Variants in LHX8 observed in about 807,000 individuals in gnomAD.
The protein encoded by LHX8 is LIM homeobox 8.
A neutral mutation model predicts 40.3 loss-of-function variants in LHX8; 12 were observed. That is an observed-to-expected ratio of 0.30 (90% CI 0.19 to 0.48). The LOEUF is 0.48. Among genes scored for constraint, LHX8 ranks in the 20% least tolerant of loss-of-function variants. LHX8 has a pLI of 0.99. For synonymous variants in LHX8, 179 were observed against 162.0 expected (o/e 1.10, Z -0.80); for missense variants, 344 against 433.7 (o/e 0.79, Z 1.84).
chr1:75,156,678 A>G (rs374615154), intron 7 of LHX8, among the ~76,000 whole-genome samples: 1 of 152,226 alleles, frequency 6.6e-6, no homozygotes, highest in Non-Finnish European at 1.5e-5. Context: ...GTAAATCACC[A>G]GAGAGCTATC....
intron 6 of LHX8, among the ~76,000 whole-genome samples, chr1:75,147,934 C>T (rs1171937226): frequency 1.3e-5 from 2 of 152,234 alleles, no homozygotes; most frequent in Non-Finnish European, 2.9e-5. Context: ...TCATGTTTCA[C>T]TATCTCTTAG....
At chr1:75,174,069 A>G in the LHX8 span, among the ~76,000 whole-genome samples, 1 of 152,268 alleles carries the variant, frequency 6.6e-6, no homozygotes, top group African/African-American at 2.4e-5. Context: ...TGTCCCAAGC[A>G]TTTTGGATAA....
chr1:75,185,029 A>G, the LHX8 span, among the ~76,000 whole-genome samples: 15 of 152,070 alleles, frequency 9.9e-5, no homozygotes, highest in Admixed American at 9.8e-4. Flanking sequence ...TCTTGGACAC[A>G]TACACCCTCC....
the LHX8 span, among the ~76,000 whole-genome samples, chr1:75,180,249 T>C: frequency 6.6e-6 from 1 of 152,224 alleles, no homozygotes; most frequent in African/African-American, 2.4e-5. Flanking sequence ...CTTGCTAGAC[T>C]GGGGAAGTTC....
At chr1:75,190,387 A>G in the LHX8 span, among the ~76,000 whole-genome samples, 2 of 152,198 alleles carry the variant, frequency 1.3e-5, no homozygotes, top group African/African-American at 2.4e-5. Context: ...AAAGCAACAG[A>G]TAGATCATTC....
At chr1:75,160,640 TG>T in intron 8 of LHX8, 178 bp from the exon 9 acceptor site, 1 of 618,418 alleles carries the variant, frequency 1.6e-6, no homozygotes, top group Non-Finnish European at 2.9e-6. Context: ...AAACTGTTCC[TG>T]GACTCTCACT....
At chr1:75,177,888 C>A in the LHX8 span, among the ~76,000 whole-genome samples, 1 of 152,022 alleles carries the variant, frequency 6.6e-6, no homozygotes, top group South Asian at 2.1e-4. Context: ...GGATGAATGG[C>A]TGTTGAATTT....
chr1:75,166,548 A>C, the LHX8 span, among the ~76,000 whole-genome samples: 1 of 152,166 alleles, frequency 6.6e-6, no homozygotes, highest in Non-Finnish European at 1.5e-5. Flanking sequence ...TTATTAGCTC[A>C]TTTCTTTCAG....
intron 1 of LHX8, among the ~76,000 whole-genome samples, chr1:75,136,000 C>T (rs147306466): frequency 3.2e-4 from 48 of 152,300 alleles, no homozygotes; most frequent in African/African-American, 1.1e-3. Context: ...AAATTGTCAT[C>T]GGAACAAACA....
chr1:75,161,126 T>C lies in LHX8; in HGVS notation c.*231T>C. 3.9e-6 allele frequency: 2 copies of C among 515,818 alleles called. No homozygotes were observed. Among genetic ancestry groups the C allele is most frequent in the South Asian group, 4.4e-5 (2 of 45,850 alleles). The allele number at this position is 515,818 out of a possible 1,614,324, so 32.0% of individuals were successfully genotyped here. On this transcript the variant is annotated 3_prime_UTR_variant, in exon 9 of 9. Transcript: ENST00000356261. ...GAAGAAAACAAATCAAAACATTTTT[T>C]GTATTGTCTGGAAATAGTTCACTCT... is the stretch of plus-strand genomic sequence containing the variant.
intron 3 of LHX8, among the ~76,000 whole-genome samples, chr1:75,138,570 G>A (rs139468137): frequency 6.6e-6 from 1 of 152,094 alleles, no homozygotes. Flanking sequence ...CTAAAACTGA[G>A]CATTTTGGAT....
Position 75,140,826 on chromosome 1 carries a change from A to G in LHX8, c.238-159A>G, listed in dbSNP as rs559102607. 7.2e-5 allele frequency among the ~76,000 whole-genome samples: 11 copies of G among 152,330 alleles called. No individual in the cohort carries two copies. The South Asian group carries it at 2.3e-3, about 32-fold the overall frequency. On this transcript the variant is annotated intron_variant, in intron 3 of 8. Transcript: ENST00000356261. ...ATAATATATCCAGATACATGTTTAC[A>G]AAAATGACATCTTAAAAAAAAATGA... is the stretch of plus-strand genomic sequence containing the variant.
chr1:75,165,234 T>C (rs1295735549), downstream of LHX8, among the ~76,000 whole-genome samples: 1 of 152,234 alleles, frequency 6.6e-6, no homozygotes, highest in African/African-American at 2.4e-5. Context: ...CTGTATATCA[T>C]CATGCTCTCA....
At chr1:75,184,879 A>G in the LHX8 span, among the ~76,000 whole-genome samples, 1 of 151,370 alleles carries the variant, frequency 6.6e-6, no homozygotes, top group South Asian at 2.1e-4. Context: ...ATAAGAAGAG[A>G]GAGAAGATGC....
chr1:75,136,733 G>A (rs769119003), intron 2 of LHX8, 44 bp downstream of exon 2: 4 of 1,489,904 alleles, frequency 2.7e-6, no homozygotes, highest in African/African-American at 2.8e-5. Context: ...TGGCCGTGGG[G>A]AGGCGGCGCA....
chr1:75,159,902 A>G (rs1482548574), intron 8 of LHX8: 1 of 151,922 alleles, frequency 6.6e-6, no homozygotes, highest in Non-Finnish European at 1.5e-5. Context: ...TTGTTTTACT[A>G]CTCCTTGGAG....
the LHX8 span, among the ~76,000 whole-genome samples, chr1:75,196,428 C>T: frequency 2.6e-5 from 4 of 152,248 alleles, no homozygotes; most frequent in East Asian, 1.9e-4. Flanking sequence ...GAAAGCAATA[C>T]ACATGGCACT....
At chr1:75,140,888 T>C (rs1648293575) in intron 3 of LHX8, 97 bp from the exon 4 acceptor site, 2 of 1,153,978 alleles carry the variant, frequency 1.7e-6, no homozygotes, top group East Asian at 2.4e-5. Flanking sequence ...CATGTGTTAA[T>C]ATATTAAGGG....
At chr1:75,142,861 G>A (rs1164713086) in intron 4 of LHX8, among the ~76,000 whole-genome samples, 1 of 152,066 alleles carries the variant, frequency 6.6e-6, no homozygotes, top group Non-Finnish European at 1.5e-5. Context: ...CATTTTAAAA[G>A]AAAACTTCAA....
Sources: allele counts gnomAD v4.1 joint callset (sites outside exome capture counted in the v4.1 genomes callset), GRCh38; gene constraint gnomAD v4.1.1; transcripts MANE v1.5; gene names NCBI Gene and HGNC (gene_info 2026-07-23, HGNC 2026-07-21).